LSAMP: variants seen among roughly 807,000 people sequenced by gnomAD.
LSAMP encodes limbic system associated membrane protein.
LSAMP carries 7 observed loss-of-function variants against 38.6 expected under a neutral mutation model. The observed-to-expected ratio is 0.18, with a 90% CI of 0.10 to 0.34. The LOEUF is 0.34. LSAMP is among the 10% of genes least tolerant of loss of function. The pLI is 1.00. For synonymous variants in LSAMP, 154 were observed against 166.8 expected (o/e 0.92, Z 0.59); for missense variants, 313 against 420.0 (o/e 0.75, Z 2.23).
chr3:115,984,241 TA>T (rs1032425484), intron 3 of LSAMP, among the ~76,000 whole-genome samples: 9 of 151,740 alleles, frequency 5.9e-5, no homozygotes, highest in African/African-American at 1.7e-4. Context: ...AAATCAGGAG[TA>T]AAAATGGATA....
rs550619677 is a variant in LSAMP, at chr3:115,909,856, C to T, written c.515-57239G>A. ...TTATTAGTGAGGTGATAATTTTGCT[C>T]TAATCTAGCTCCTTTACATAAGTTT... On this transcript the variant is annotated intron_variant, in intron 3 of 6. Transcript: ENST00000490035. 1.6e-4 allele frequency among the ~76,000 whole-genome samples: 24 copies of T among 152,196 alleles called. 1 individual carries two copies. In the South Asian group the frequency reaches 4.8e-3, roughly 30 times the overall value.
At chr3:116,242,165 A>T (rs1325270914) in intron 1 of LSAMP, among the ~76,000 whole-genome samples, 1 of 152,238 alleles carries the variant, frequency 6.6e-6, no homozygotes, top group Non-Finnish European at 1.5e-5. Context: ...AATAAAACAA[A>T]TTGCCAAGGA....
intron 1 of LSAMP, among the ~76,000 whole-genome samples, chr3:116,386,588 T>G (rs2048629240): frequency 2.0e-5 from 3 of 152,252 alleles, no homozygotes; most frequent in Admixed American, 6.5e-5. Flanking sequence ...TCCTCATACC[T>G]CAGTCTCCCA....
chr3:116,287,384 C>A (rs75743181), intron 1 of LSAMP, among the ~76,000 whole-genome samples: 1 of 152,118 alleles, frequency 6.6e-6, no homozygotes, highest in Non-Finnish European at 1.5e-5. Flanking sequence ...TTGCAATCCA[C>A]ACAAATCCCT....
At chr3:115,989,808 T>C (rs867397119) in intron 3 of LSAMP, among the ~76,000 whole-genome samples, 2 of 152,072 alleles carry the variant, frequency 1.3e-5, no homozygotes, top group Non-Finnish European at 2.9e-5. Context: ...TTTTTAGCCA[T>C]TGCTATTATT....
intron 4 of LSAMP, among the ~76,000 whole-genome samples, chr3:115,851,339 C>T (rs1187953988): frequency 6.6e-6 from 1 of 152,144 alleles, no homozygotes; most frequent in African/African-American, 2.4e-5. Context: ...CCTTATCTTC[C>T]TCCTGAGAGT....
At chr3:115,812,386 CA>C (rs1355076285) in intron 6 of LSAMP, among the ~76,000 whole-genome samples, 2 of 152,148 alleles carry the variant, frequency 1.3e-5, no homozygotes, top group African/African-American at 4.8e-5. Flanking sequence ...CTGTATCTTG[CA>C]TGAAAGCACC....
chr3:115,859,534 T>C (rs1037987105), intron 3 of LSAMP, among the ~76,000 whole-genome samples: 4 of 152,070 alleles, frequency 2.6e-5, no homozygotes, highest in African/African-American at 9.7e-5. Flanking sequence ...AAATGTTCCC[T>C]ATTTGAATAA....
intron 3 of LSAMP, among the ~76,000 whole-genome samples, chr3:115,991,137 A>T (rs1204936467): frequency 6.6e-6 from 1 of 152,108 alleles, no homozygotes; most frequent in Admixed American, 6.6e-5. Flanking sequence ...GAGTGCATTT[A>T]CTTCCTTGGA....
At chr3:116,136,655 T>G (rs182073435) in intron 1 of LSAMP, among the ~76,000 whole-genome samples, 1 of 152,156 alleles carries the variant, frequency 6.6e-6, no homozygotes, top group Non-Finnish European at 1.5e-5. Flanking sequence ...CCTGATGGTA[T>G]CACCCCTTCT....
chr3:116,099,862 C>T (rs1294528860), intron 1 of LSAMP, among the ~76,000 whole-genome samples: 2 of 151,386 alleles, frequency 1.3e-5, no homozygotes, highest in African/African-American at 4.9e-5. Flanking sequence ...ACTCCTAATA[C>T]AGTGTTGGTT....
intron 1 of LSAMP, among the ~76,000 whole-genome samples, chr3:116,189,042 C>T (rs545821402): frequency 1.3e-5 from 2 of 152,210 alleles, no homozygotes; most frequent in South Asian, 4.2e-4. Context: ...ATAATAAAGA[C>T]CAACTAATTC....
intron 1 of LSAMP, among the ~76,000 whole-genome samples, chr3:116,423,271 A>G (rs1262694609): frequency 6.6e-6 from 1 of 152,234 alleles, no homozygotes; most frequent in Admixed American, 6.5e-5. Flanking sequence ...ATGATCAAGA[A>G]AGTGGAATTC....
chr3:116,103,471 A>C (rs1708392886), intron 1 of LSAMP, among the ~76,000 whole-genome samples: 2 of 149,704 alleles, frequency 1.3e-5, no homozygotes, highest in South Asian at 4.2e-4. Context: ...TCTCAAAAAA[A>C]AAAAAAAAAA....
intron 1 of LSAMP, among the ~76,000 whole-genome samples, chr3:116,376,120 C>T (rs946484484): frequency 6.6e-6 from 1 of 152,012 alleles, no homozygotes; most frequent in Non-Finnish European, 1.5e-5. Context: ...ATGTTTGGAA[C>T]ACAATCTGTA....
chr3:116,016,979 C>A (rs769623035), intron 3 of LSAMP, among the ~76,000 whole-genome samples: 8 of 152,066 alleles, frequency 5.3e-5, no homozygotes, highest in Non-Finnish European at 7.4e-5. Context: ...TTGAAGCCTC[C>A]GGGGTCCTCT....
chr3:116,129,324 A>AG (rs1709075131), intron 1 of LSAMP, among the ~76,000 whole-genome samples: 1 of 152,220 alleles, frequency 6.6e-6, no homozygotes, highest in African/African-American at 2.4e-5. Context: ...TGCACTTCAT[A>AG]GAACATCCTC....
intron 1 of LSAMP, among the ~76,000 whole-genome samples, chr3:116,153,779 C>T (rs1278746492): frequency 1.3e-5 from 2 of 152,160 alleles, no homozygotes; most frequent in South Asian, 2.1e-4. Context: ...TTAGCAACTA[C>T]TCATTTATTG....
chr3:116,325,531 A>T (rs1282913602), intron 1 of LSAMP, among the ~76,000 whole-genome samples: 1 of 152,184 alleles, frequency 6.6e-6, no homozygotes, highest in Non-Finnish European at 1.5e-5. Flanking sequence ...GAGATGAATT[A>T]AGATTTCATT....
Sources: gnomAD v4.1 joint callset for allele counts (sites outside exome capture counted in the v4.1 genomes callset) on GRCh38, gnomAD v4.1.1 for gene constraint, MANE v1.5 for transcripts, NCBI Gene and HGNC (gene_info 2026-07-23, HGNC 2026-07-21) for gene names.